The following EPB41L5 variants were observed in gnomAD, a reference collection of about 807,000 sequenced individuals.
The protein encoded by EPB41L5 is erythrocyte membrane protein band 4.1 like 5, also known as band 4.1-like protein 5.
EPB41L5 carries 55 observed loss-of-function variants against 106.6 expected under a neutral mutation model. The observed-to-expected ratio is 0.52, with a 90% CI of 0.42 to 0.65. The LOEUF is 0.65. Ranked by LOEUF, EPB41L5 falls within the 30% of genes least tolerant of loss-of-function variation. The probability of loss-of-function intolerance (pLI) is 0.00; values close to 1 mark genes in which losing one functional copy is unlikely to be tolerated. For synonymous variants in EPB41L5, 297 were observed against 306.7 expected, an observed-to-expected ratio of 0.97 and a Z score of 0.33; for missense variants, 871 against 882.1, an observed-to-expected ratio of 0.99 and a Z score of 0.16.
At chr2:120,030,313 C>T (rs939695163) in intron 2 of EPB41L5, among the ~76,000 whole-genome samples, 2 of 152,170 alleles carry the variant, frequency 1.3e-5, no homozygotes, top group African/African-American at 4.8e-5. Flanking sequence ...TGAACTTCCC[C>T]AAATTGCTCC....
At chr2:120,026,430 G>A (rs1194740634) in intron 2 of EPB41L5, among the ~76,000 whole-genome samples, 10 of 151,922 alleles carry the variant, frequency 6.6e-5, no homozygotes, top group African/African-American at 1.7e-4. Context: ...GTGCAATGAC[G>A]TGATCTCAGC....
intron 16 of EPB41L5, among the ~76,000 whole-genome samples, chr2:120,127,099 C>G (rs561258592): frequency 6.6e-6 from 1 of 152,068 alleles, no homozygotes; most frequent in South Asian, 2.1e-4. Context: ...TTATATTGAT[C>G]TTGTATTCTG....
chr2:120,129,690 C>A (rs1278213125), intron 17 of EPB41L5, among the ~76,000 whole-genome samples: 2 of 152,066 alleles, frequency 1.3e-5, no homozygotes, highest in Non-Finnish European at 2.9e-5. Flanking sequence ...AAAAAAAGAT[C>A]AAATGAAATA....
intron 18 of EPB41L5, among the ~76,000 whole-genome samples, chr2:120,141,146 G>C (rs1004426119): frequency 6.6e-6 from 1 of 152,056 alleles, no homozygotes; most frequent in Non-Finnish European, 1.5e-5. Flanking sequence ...CTTATGTACT[G>C]TTGGTTCAGT....
chr2:120,073,245 G>T (rs73952011), intron 4 of EPB41L5, 25 bp downstream of exon 4: 66 of 1,540,406 alleles, frequency 4.3e-5, no homozygotes, highest in Non-Finnish European at 5.3e-5. Context: ...AATTATTTGT[G>T]GGGGGGAAAG....
intron 1 of EPB41L5, among the ~76,000 whole-genome samples, chr2:120,016,966 T>C (rs1275977005): frequency 6.6e-6 from 1 of 152,272 alleles, no homozygotes; most frequent in Non-Finnish European, 1.5e-5. Context: ...AGTTATTTCC[T>C]TGGGATTAGT....
rs74739698 is a variant in EPB41L5, at chr2:120,173,392, A to T, written c.2136-1449A>T. On this transcript the variant is annotated intron_variant, in intron 24 of 24. Transcript: ENST00000263713. ...GTCGTGAGGCAGAATCTCTGGAGACAGGTTTGTTTAAACATTGGCTGCTGG... is the reference window on the plus strand; with the variant it reads ...GTCGTGAGGCAGAATCTCTGGAGACTGGTTTGTTTAAACATTGGCTGCTGG... Among the ~76,000 whole-genome samples, 27 of 152,320 alleles carry T rather than the reference A, an allele frequency of 1.8e-4. No homozygotes were observed. In the East Asian group the frequency reaches 4.4e-3, roughly 25 times the overall value.
intron 24 of EPB41L5, among the ~76,000 whole-genome samples, chr2:120,169,515 C>CA (rs1209978065): frequency 1.3e-5 from 2 of 152,106 alleles, no homozygotes; most frequent in Non-Finnish European, 2.9e-5. Flanking sequence ...TTTTGTTCAT[C>CA]AAAAAATGTA....
At chr2:120,037,913 T>G (rs1001341805) in intron 2 of EPB41L5, among the ~76,000 whole-genome samples, 10 of 152,144 alleles carry the variant, frequency 6.6e-5, no homozygotes, top group Non-Finnish European at 1.5e-4. Context: ...CTCAAAGACA[T>G]AGAGACCTAA....
chr2:120,073,199 A>C lies in EPB41L5; in HGVS notation c.307A>C (p.Ser103Arg), dbSNP rs777943958. 6.2e-7 allele frequency: 1 copy of C among 1,609,906 alleles called. No homozygotes were observed. The highest frequency in any genetic ancestry group is 1.7e-5 in the Admixed American group (1 of 58,776). ...QVAHWLDGTK[S>R]IKKQVKIGSP... ...TCAGCATTGGTTGGATGGTACAAAA[A>C]GCATCAAAAAGCAAGTAAAAAGTAA... The change falls in exon 4 of 25, where the codon AGC (serine) becomes CGC (arginine). Residue 103 changes from serine (S) to arginine (R), a missense_variant. Physicochemically the swap from Ser to Arg is moderately radical, Grantham distance 110. Coordinates refer to ENST00000263713, the MANE Select transcript of EPB41L5 (RefSeq NM_020909.4).
chr2:120,073,314 A>T, intron 4 of EPB41L5, 94 bp downstream of exon 4: 2 of 1,145,626 alleles, frequency 1.7e-6, no homozygotes, highest in Non-Finnish European at 2.5e-6. Flanking sequence ...CATGTTTCAG[A>T]TGAGTTTTTT....
At chr2:120,069,441 G>A (rs2105307454) in intron 3 of EPB41L5, among the ~76,000 whole-genome samples, 1 of 152,120 alleles carries the variant, frequency 6.6e-6, no homozygotes, top group East Asian at 1.9e-4. Context: ...GGATATTTAG[G>A]ACTTGAACTC....
rs375364339 is a variant in EPB41L5, at chr2:120,090,458, G to T, written c.985G>T (p.Val329Phe). ...HHAFFRLRGP[V>F]QKSSHRSGFI... ...TGCTTTCTTCCGCCTTCGAGGCCCCGTCCAAAAGAGTTCTCATCGATCAGG... is the reference window on the plus strand; with the variant it reads ...TGCTTTCTTCCGCCTTCGAGGCCCCTTCCAAAAGAGTTCTCATCGATCAGG... Residue 329 changes from valine (V) to phenylalanine (F), a missense_variant, in exon 12 of 25, where the codon GTC becomes TTC. Transcript: ENST00000263713. 8 of 1,613,682 alleles carry T rather than the reference G, an allele frequency of 5.0e-6. No homozygotes were observed. Among genetic ancestry groups the T allele is most frequent in the Non-Finnish European group, 6.8e-6 (8 of 1,179,794 alleles).
chr2:120,035,690 T>A (rs1012630301), intron 2 of EPB41L5, among the ~76,000 whole-genome samples: 3 of 152,268 alleles, frequency 2.0e-5, no homozygotes, highest in Non-Finnish European at 2.9e-5. Flanking sequence ...TTAAAAAAAA[T>A]TGTTGAATAA....
Position 120,160,783 on chromosome 2 carries a change from A to T in EPB41L5, c.1794-98A>T, listed in dbSNP as rs552683304. 94 of 798,014 alleles carry T rather than the reference A, an allele frequency of 1.2e-4. No homozygotes were observed. The African/African-American group carries it at 1.5e-3, about 13-fold the overall frequency. 49.4% of individuals were successfully genotyped at this position (798,014 alleles called of 1,614,324 possible). ...CATTTTTTCATATACCTTCCCCTAC[A>T]TGAATTTGTTGCACTTCTTTCCTAA... On this transcript the variant is annotated intron_variant, in intron 20 of 24. Coordinates refer to ENST00000263713, the MANE Select transcript of EPB41L5 (RefSeq NM_020909.4).
At chr2:120,104,529 G>A (rs1297807651) in intron 16 of EPB41L5, 1 of 1,039,560 alleles carries the variant, frequency 9.6e-7, no homozygotes, top group East Asian at 7.7e-5. Context: ...TCACCAGACT[G>A]TATCTCAGGA....
chr2:120,058,514 TAG>T (rs1458947372), intron 3 of EPB41L5, among the ~76,000 whole-genome samples: 1 of 152,170 alleles, frequency 6.6e-6, no homozygotes, highest in Non-Finnish European at 1.5e-5. Flanking sequence ...CAGAGAAATA[TAG>T]ATAGCGTGAT....
At chr2:120,167,571 A>G (rs1687471288) in intron 23 of EPB41L5, 64 bp downstream of exon 23, 2 of 1,505,176 alleles carry the variant, frequency 1.3e-6, no homozygotes, top group Admixed American at 1.8e-5. Context: ...CTAAAGGATT[A>G]CTAGGTTCTT....
chr2:120,119,778 A>C (rs1685126685), intron 16 of EPB41L5, among the ~76,000 whole-genome samples: 1 of 152,230 alleles, frequency 6.6e-6, no homozygotes, highest in Non-Finnish European at 1.5e-5. Context: ...AAAGAGATGG[A>C]AACAAGTCAA....
Sources: allele counts gnomAD v4.1 joint callset (sites outside exome capture counted in the v4.1 genomes callset), GRCh38; gene constraint gnomAD v4.1.1; transcripts MANE v1.5; gene names NCBI Gene and HGNC (gene_info 2026-07-23, HGNC 2026-07-21).